The following EPB41L2 variants were observed in gnomAD, a reference collection of about 807,000 sequenced individuals.
The protein encoded by EPB41L2 is band 4.1-like protein 2.
EPB41L2 carries 43 observed loss-of-function variants against 113.0 expected under a neutral mutation model. The observed-to-expected ratio is 0.38, with a 90% CI of 0.30 to 0.49. The LOEUF (loss-of-function observed/expected upper bound fraction) is 0.49, where lower values mean the gene tolerates loss of function less well. EPB41L2 is among the 20% of genes least tolerant of loss of function. The pLI is 0.95. For synonymous variants in EPB41L2, 442 were observed against 436.7 expected (o/e 1.01, Z -0.15); for missense variants, 1,147 against 1,223.4 (o/e 0.94, Z 0.93).
chr6:130,900,968 G>C lies in EPB41L2; in HGVS notation c.1142C>G (p.Thr381Ser). The change falls in exon 7 of 20, where the codon ACC becomes AGC. Residue 381 changes from threonine to serine, a missense_variant. By Grantham distance (58) the Thr-to-Ser change is moderately conservative (BLOSUM62 1). Coordinates refer to ENST00000337057, the MANE Select transcript of EPB41L2 (RefSeq NM_001431.4). ...AGTAAGCAAGGCAACAGACCTGTGG[G>C]TTTTGTGCAGCTCTGCCACCTTCTC... ...LEEKVAELHK[T>S]HRGLSPAQAD... 1.9e-6 allele frequency: 3 copies of C among 1,614,124 alleles called. No individual in the cohort carries two copies. Among genetic ancestry groups the C allele is most frequent in the Non-Finnish European group, 1.7e-6 (2 of 1,179,988 alleles).
intron 1 of EPB41L2, among the ~76,000 whole-genome samples, chr6:130,960,040 T>C (rs1485376077): frequency 1.3e-5 from 2 of 152,244 alleles, no homozygotes; most frequent in Non-Finnish European, 2.9e-5. Context: ...GTTTACTGTC[T>C]GACACAGTGC....
chr6:130,853,025 C>T (rs1779206053), intron 19 of EPB41L2, among the ~76,000 whole-genome samples: 1 of 152,212 alleles, frequency 6.6e-6, no homozygotes, highest in African/African-American at 2.4e-5. Flanking sequence ...AATATTATCA[C>T]AAAACTTGAA....
At chr6:130,920,808 C>A (rs1802638442) in intron 4 of EPB41L2, among the ~76,000 whole-genome samples, 2 of 152,110 alleles carry the variant, frequency 1.3e-5, no homozygotes, top group Non-Finnish European at 2.9e-5. Flanking sequence ...CCATACCTGG[C>A]CTCTCAAATT....
intron 10 of EPB41L2, 31 bp downstream of exon 10, chr6:130,894,313 C>T: frequency 6.3e-7 from 1 of 1,575,982 alleles, no homozygotes; most frequent in Non-Finnish European, 8.7e-7. Flanking sequence ...TGCGATCATG[C>T]CCGGCTTCCG....
intron 1 of EPB41L2, among the ~76,000 whole-genome samples, chr6:131,003,893 T>G (rs1784897571): frequency 6.6e-6 from 1 of 152,252 alleles, no homozygotes; most frequent in Non-Finnish European, 1.5e-5. Context: ...GTCCCTGGAA[T>G]GCAGCTTGCA....
At chr6:130,947,006 G>C (rs549603705) in intron 3 of EPB41L2, among the ~76,000 whole-genome samples, 50 of 146,182 alleles carry the variant, frequency 3.4e-4, no homozygotes, top group Non-Finnish European at 5.9e-4. Context: ...GCAATGCACT[G>C]AATAAAGAAG....
intron 19 of EPB41L2, among the ~76,000 whole-genome samples, chr6:130,849,710 C>T (rs1240419780): frequency 6.6e-6 from 1 of 152,172 alleles, no homozygotes; most frequent in East Asian, 1.9e-4. Flanking sequence ...CATATGTATG[C>T]ATGTATTCCA....
intron 1 of EPB41L2, among the ~76,000 whole-genome samples, chr6:131,052,576 G>A (rs2128199857): frequency 6.6e-6 from 1 of 152,276 alleles, no homozygotes; most frequent in African/African-American, 2.4e-5. Context: ...AAAGGATAAG[G>A]ATCAGGATAA....
chr6:131,009,424 C>T (rs1786390882), intron 1 of EPB41L2, among the ~76,000 whole-genome samples: 1 of 152,132 alleles, frequency 6.6e-6, no homozygotes, highest in African/African-American at 2.4e-5. Context: ...GACTAATACA[C>T]AGACCCTTAG....
chr6:130,996,919 G>C (rs527655452), intron 1 of EPB41L2, among the ~76,000 whole-genome samples: 1 of 152,188 alleles, frequency 6.6e-6, no homozygotes, highest in Non-Finnish European at 1.5e-5. Context: ...ATGGAAAAAT[G>C]TAGGGTTTTC....
chr6:131,041,984 C>T (rs897713409), intron 1 of EPB41L2, among the ~76,000 whole-genome samples: 1 of 152,014 alleles, frequency 6.6e-6, no homozygotes, highest in South Asian at 2.1e-4. Flanking sequence ...TCATCACAGA[C>T]CTATTTTAAA....
chr6:131,006,870 A>G (rs936915094), intron 1 of EPB41L2, among the ~76,000 whole-genome samples: 1 of 151,728 alleles, frequency 6.6e-6, no homozygotes, highest in African/African-American at 2.4e-5. Flanking sequence ...CAATTCTCTA[A>G]CCCTGAGGAT....
At chr6:131,018,350 A>T (rs765862299) in intron 1 of EPB41L2, among the ~76,000 whole-genome samples, 6 of 152,188 alleles carry the variant, frequency 3.9e-5, no homozygotes, top group Non-Finnish European at 7.4e-5. Context: ...CTCATTGGCC[A>T]CCACTGAGAC....
chr6:130,947,125 C>T (rs958728780), intron 3 of EPB41L2, among the ~76,000 whole-genome samples: 3 of 149,062 alleles, frequency 2.0e-5, no homozygotes, highest in Non-Finnish European at 4.4e-5. Flanking sequence ...AATGACTTTA[C>T]AACCTCTGGT....
intron 1 of EPB41L2, among the ~76,000 whole-genome samples, chr6:131,020,946 C>G (rs534001318): frequency 4.6e-5 from 7 of 152,250 alleles, no homozygotes; most frequent in African/African-American, 1.4e-4. Flanking sequence ...TGTGCCACCC[C>G]ACCAGGCTAA....
chr6:130,934,528 A>G (rs1351209392), intron 3 of EPB41L2, among the ~76,000 whole-genome samples: 1 of 152,166 alleles, frequency 6.6e-6, no homozygotes, highest in Admixed American at 6.5e-5. Flanking sequence ...CCTGGAGTGA[A>G]GTGGCACAAT....
intron 1 of EPB41L2, among the ~76,000 whole-genome samples, chr6:131,044,612 C>A (rs1277877361): frequency 1.3e-5 from 2 of 152,044 alleles, no homozygotes; most frequent in African/African-American, 4.8e-5. Flanking sequence ...AGCTCCATCT[C>A]CCACCCAGTG....
chr6:131,053,143 G>A (rs1281926377), intron 1 of EPB41L2, among the ~76,000 whole-genome samples: 13 of 152,012 alleles, frequency 8.6e-5, no homozygotes, highest in African/African-American at 1.7e-4. Flanking sequence ...TGATCTGCCC[G>A]CCTCGGCCTC....
rs1033689421 is a variant in EPB41L2 at position 130,947,024 on chromosome 6, C to A, written c.705+8081G>T. On this transcript the variant is annotated intron_variant, in intron 3 of 19. Coordinates refer to ENST00000337057, the MANE Select transcript of EPB41L2 (RefSeq NM_001431.4). The stretch of plus-strand genomic sequence containing the variant: ...ATGCACTGAATAAAGAAGACCCCCC[C>A]CCCAGCCCCTTAAATTACTGCAGCC... Among the ~76,000 whole-genome samples the A allele has an allele frequency of 3.8e-4, 55 of 143,864 alleles. 1 individual carries two copies. Among genetic ancestry groups the A allele is most frequent in the Middle Eastern group, 3.5e-3 (1 of 284 alleles). 94.4% of individuals were successfully genotyped at this position (143,864 alleles called of 152,430 possible).
Sources: gnomAD v4.1 joint callset for allele counts (sites outside exome capture counted in the v4.1 genomes callset) on GRCh38, gnomAD v4.1.1 for gene constraint, MANE v1.5 for transcripts, NCBI Gene and HGNC (gene_info 2026-07-23, HGNC 2026-07-21) for gene names.